Variants in RBFOX1 observed in about 807,000 individuals in gnomAD.
The protein encoded by RBFOX1 is RNA binding protein fox-1 homolog 1.
RBFOX1 carries 8 observed loss-of-function variants against 57.7 expected under a neutral mutation model. The ratio of observed to expected loss-of-function variants is 0.14; its 90% CI spans 0.08 to 0.25. RBFOX1 has a LOEUF of 0.25. Ranked by LOEUF, RBFOX1 falls within the 10% of genes least tolerant of loss-of-function variation. The pLI, the probability that RBFOX1 is intolerant of heterozygous loss-of-function variation, is 1.00. For synonymous variants in RBFOX1, 326 were observed against 222.4 expected (o/e 1.47, Z -4.15); for missense variants, 611 against 548.5 (o/e 1.11, Z -1.14).
intron 3 of RBFOX1, among the ~76,000 whole-genome samples, chr16:6,773,384 G>T (rs575504390): frequency 1.3e-5 from 2 of 149,200 alleles, no homozygotes; most frequent in African/African-American, 5.0e-5. Flanking sequence ...GTGTGTGGGC[G>T]TGGGGTATAT....
chr16:6,768,182 G>A (rs1043015772), intron 3 of RBFOX1, among the ~76,000 whole-genome samples: 2 of 151,878 alleles, frequency 1.3e-5, no homozygotes, highest in African/African-American at 2.4e-5. Flanking sequence ...GGGCAATAGA[G>A]CTAGACTCCA....
chr16:7,092,663 G>A (rs1015381880), intron 4 of RBFOX1, among the ~76,000 whole-genome samples: 2 of 152,234 alleles, frequency 1.3e-5, no homozygotes, highest in East Asian at 1.9e-4. Flanking sequence ...GAGCCTTTAC[G>A]GACTTGGGCA....
At chr16:6,142,125 T>G (rs935946575) in intron 1 of RBFOX1, among the ~76,000 whole-genome samples, 6 of 142,316 alleles carry the variant, frequency 4.2e-5, no homozygotes, top group African/African-American at 1.6e-4. Flanking sequence ...GATCCCTGAT[T>G]AATTTCTCTA....
intron 1 of RBFOX1, among the ~76,000 whole-genome samples, chr16:6,071,244 C>T (rs2095833825): frequency 6.6e-6 from 1 of 152,100 alleles, no homozygotes; most frequent in Admixed American, 6.6e-5. Flanking sequence ...TCGTTTGAGC[C>T]CAGGAGGTTG....
chr16:7,539,858 A>G (rs922156691), intron 5 of RBFOX1, among the ~76,000 whole-genome samples: 24 of 152,202 alleles, frequency 1.6e-4, no homozygotes, highest in African/African-American at 5.8e-4. Flanking sequence ...AGAAGAGACA[A>G]AAAGATAACT....
At chr16:5,980,937 T>A (rs1161807575) in intron 4 of RBFOX1, among the ~76,000 whole-genome samples, 1 of 152,176 alleles carries the variant, frequency 6.6e-6, no homozygotes, top group Non-Finnish European at 1.5e-5. Context: ...AAGTAGGGTT[T>A]CCATTTCTGG....
intron 2 of RBFOX1, among the ~76,000 whole-genome samples, chr16:6,652,823 T>C (rs776669557): frequency 2.6e-5 from 4 of 151,974 alleles, no homozygotes; most frequent in Non-Finnish European, 4.4e-5. Flanking sequence ...ATTCTGGAGA[T>C]GGAGGGTGGT....
chr16:6,978,702 A>G (rs1442416867), intron 3 of RBFOX1, among the ~76,000 whole-genome samples: 1 of 152,156 alleles, frequency 6.6e-6, no homozygotes, highest in African/African-American at 2.4e-5. Context: ...TGCCAATGTA[A>G]TCAGGATGTG....
intron 4 of RBFOX1, among the ~76,000 whole-genome samples, chr16:5,985,281 C>G (rs997046433): frequency 6.6e-6 from 1 of 151,562 alleles, no homozygotes; most frequent in Non-Finnish European, 1.5e-5. Context: ...CATGAGTCAT[C>G]ATGTCCGGCC....
intron 4 of RBFOX1, among the ~76,000 whole-genome samples, chr16:7,228,670 G>A (rs768051710): frequency 1.1e-4 from 17 of 152,192 alleles, no homozygotes; most frequent in African/African-American, 1.7e-4. Context: ...CTGATTGGCT[G>A]TGCCTCTCGC....
chr16:6,626,408 T>A (rs2098308304), intron 2 of RBFOX1, among the ~76,000 whole-genome samples: 1 of 152,140 alleles, frequency 6.6e-6, no homozygotes, highest in South Asian at 2.1e-4. Context: ...TTCTTCCTCC[T>A]TTGCTGTGGA....
At chr16:6,513,635 G>A (rs558806242) in intron 2 of RBFOX1, among the ~76,000 whole-genome samples, 3 of 152,262 alleles carry the variant, frequency 2.0e-5, no homozygotes, top group East Asian at 1.9e-4. Context: ...TCGGGAGGCC[G>A]AGGCAGAAGA....
chr16:5,858,229 G>T (rs2057120893), intron 3 of RBFOX1, among the ~76,000 whole-genome samples: 1 of 152,102 alleles, frequency 6.6e-6, no homozygotes, highest in Admixed American at 6.5e-5. Flanking sequence ...AAGACAGCAG[G>T]TTACAATGGG....
intron 4 of RBFOX1, among the ~76,000 whole-genome samples, chr16:7,135,684 A>T (rs945369717): frequency 6.6e-6 from 1 of 152,274 alleles, no homozygotes; most frequent in Non-Finnish European, 1.5e-5. Flanking sequence ...GGTTCATTCC[A>T]ACAAGAGATA....
Position 6,924,411 on chromosome 16 carries a change from G to T in RBFOX1, c.-15-127646G>T, listed in dbSNP as rs141494707. 5.6e-4 allele frequency among the ~76,000 whole-genome samples: 85 copies of T among 151,962 alleles called. 1 individual carries two copies. Among genetic ancestry groups the T allele is most frequent in the African/African-American group, 2.0e-3 (83 of 41,464 alleles). On this transcript the variant is annotated intron_variant, in intron 3 of 15. Coordinates refer to ENST00000550418, the MANE Select transcript of RBFOX1 (RefSeq NM_018723.4). ...AGCCTCCTTTAAACAACCAGATCTC[G>T]TGTGAACTAACAGAGTGAGTGCTCA... is the stretch of plus-strand genomic sequence containing the variant.
At chr16:6,080,642 C>G (rs564105029) in intron 1 of RBFOX1, among the ~76,000 whole-genome samples, 1 of 152,066 alleles carries the variant, frequency 6.6e-6, no homozygotes, top group Non-Finnish European at 1.5e-5. Context: ...GGAAGTGACT[C>G]GTTTATGAAC....
chr16:7,615,149 C>A (rs765733508), intron 10 of RBFOX1, among the ~76,000 whole-genome samples: 1 of 152,066 alleles, frequency 6.6e-6, no homozygotes, highest in Admixed American at 6.6e-5. Flanking sequence ...CTGGCTAATA[C>A]GGTGAAACCC....
At chr16:6,977,099 T>TG (rs990431499) in intron 3 of RBFOX1, among the ~76,000 whole-genome samples, 2 of 144,552 alleles carry the variant, frequency 1.4e-5, no homozygotes, top group Non-Finnish European at 3.0e-5. Flanking sequence ...TTTATATATA[T>TG]ATCATATATA....
At chr16:5,368,340 A>C (rs2065776506) in intron 1 of RBFOX1, among the ~76,000 whole-genome samples, 1 of 152,170 alleles carries the variant, frequency 6.6e-6, no homozygotes. Context: ...TTCCTGGGCT[A>C]CTGCAATATT....
Sources: allele counts gnomAD v4.1 joint callset (sites outside exome capture counted in the v4.1 genomes callset), GRCh38; gene constraint gnomAD v4.1.1; transcripts MANE v1.5; gene names NCBI Gene and HGNC (gene_info 2026-07-23, HGNC 2026-07-21).